PCDHGB2: variants seen among roughly 807,000 people sequenced by gnomAD.
PCDHGB2 encodes protocadherin gamma-B2.
Under a neutral mutation model 59.3 loss-of-function variants are expected in PCDHGB2, and 55 were observed. The ratio of observed to expected loss-of-function variants is 0.93; its 90% CI spans 0.75 to 1.16. The LOEUF (loss-of-function observed/expected upper bound fraction) is 1.16, where lower values mean the gene tolerates loss of function less well. Ranked by LOEUF, PCDHGB2 falls within the 50% of genes most tolerant of loss-of-function variation. PCDHGB2 has a pLI of 0.00. For synonymous variants in PCDHGB2, 516 were observed against 512.0 expected, an observed-to-expected ratio of 1.01 and a Z score of -0.11; for missense variants, 1,228 against 1,198.5, an observed-to-expected ratio of 1.02 and a Z score of -0.36.
chr5:141,486,148 G>A lies in PCDHGB2; in HGVS notation c.2422-8659G>A. On this transcript the variant is annotated intron_variant, in intron 1 of 3. Coordinates refer to ENST00000522605, the MANE Select transcript of PCDHGB2 (RefSeq NM_018923.3). This position sits in a 1 kb window ranked among gnomAD's most constrained non-coding sequence, Gnocchi z 5.0. ...AATTTGATGTGCGGGCTCGCGATGG[G>A]GGTTCTCCAGCCATGGAGCAACATT... 2 of 1,614,164 alleles carry A rather than the reference G, an allele frequency of 1.2e-6. No homozygotes were observed. The highest frequency in any genetic ancestry group is 1.7e-6 in the Non-Finnish European group (2 of 1,180,026).
At chr5:141,404,002 A>G in intron 1 of PCDHGB2, 2 of 1,613,928 alleles carry the variant, frequency 1.2e-6, no homozygotes, top group South Asian at 1.1e-5. Context: ...TGACCATTAC[A>G]TCTCTGTTTA....
In PCDHGB2 at chr5:141,432,785, G is replaced by A. The variant is rs1356593437; in HGVS notation, c.2422-62022G>A. 2.5e-6 allele frequency: 4 copies of A among 1,613,992 alleles called. No individual in the cohort carries two copies. The African/African-American group carries it at 4.0e-5, about 16-fold the overall frequency. On this transcript the variant is annotated intron_variant, in intron 1 of 3. Transcript: ENST00000522605. The surrounding 1 kb of genome is among the most constrained non-coding windows in gnomAD (Gnocchi z 6.0). ...CATCCCCCAAGTCCTGGCGGACCTC[G>A]GCAGCCTCGAGTCTCCAGCTAACTC...
Position 141,477,598 on chromosome 5 carries a change from C to A in PCDHGB2, c.2422-17209C>A. The A allele has an allele frequency of 6.2e-7, 1 of 1,614,180 alleles. No homozygotes were observed. The highest frequency in any genetic ancestry group is 8.5e-7 in the Non-Finnish European group (1 of 1,180,030). ...CCCCGCAGAATGCTCGGCTTTCTTT[C>A]TTTCTCTTGGAGCAAGGAGCTGAAA... On this transcript the variant is annotated intron_variant, in intron 1 of 3. Transcript: ENST00000522605. This position sits in a 1 kb window ranked among gnomAD's most constrained non-coding sequence, Gnocchi z 4.9.
intron 1 of PCDHGB2, chr5:141,399,805 T>G (rs776266997): frequency 6.2e-7 from 1 of 1,613,192 alleles, no homozygotes; most frequent in Admixed American, 1.7e-5. Context: ...GCGGGTGCTG[T>G]ACCCCGCGCT....
At chr5:141,363,656 A>C (rs1763020293) in intron 1 of PCDHGB2, among the ~76,000 whole-genome samples, 1 of 152,232 alleles carries the variant, frequency 6.6e-6, no homozygotes, top group African/African-American at 2.4e-5. Context: ...AAAGATCTTT[A>C]TTTCTTCTGC....
chr5:141,506,017 C>G (rs2099850061), intron 3 of PCDHGB2, among the ~76,000 whole-genome samples: 1 of 152,176 alleles, frequency 6.6e-6, no homozygotes, highest in Non-Finnish European at 1.5e-5. Flanking sequence ...TTTGCTGCCC[C>G]TAACTCCAGA....
At chr5:141,455,185 T>C (rs1334330699) in intron 1 of PCDHGB2, among the ~76,000 whole-genome samples, 1 of 152,064 alleles carries the variant, frequency 6.6e-6, no homozygotes, top group Admixed American at 6.6e-5. Flanking sequence ...TTTTTATTTC[T>C]CTACAAATTT....
chr5:141,398,985 A>C, intron 1 of PCDHGB2: 2 of 1,613,964 alleles, frequency 1.2e-6, no homozygotes, highest in Non-Finnish European at 1.7e-6. Context: ...GAACCGGGCA[A>C]ATCTTTAGTC....
chr5:141,469,962 C>T (rs943032320), intron 1 of PCDHGB2, among the ~76,000 whole-genome samples: 8 of 152,134 alleles, frequency 5.3e-5, no homozygotes, highest in African/African-American at 1.9e-4. Flanking sequence ...GAAACCCCAT[C>T]TGTACCAAAA....
chr5:141,459,989 A>G (rs2098979714), intron 1 of PCDHGB2, among the ~76,000 whole-genome samples: 1 of 152,204 alleles, frequency 6.6e-6, no homozygotes, highest in Non-Finnish European at 1.5e-5. Flanking sequence ...GAGACAGGAG[A>G]ATCGCTTGAA....
At chr5:141,430,716 G>T (rs1327065498) in intron 1 of PCDHGB2, 2 of 1,487,962 alleles carry the variant, frequency 1.3e-6, no homozygotes, top group African/African-American at 2.8e-5. Context: ...CCTGACTTCA[G>T]TGGTTAAGGG....
intron 1 of PCDHGB2, chr5:141,423,661 G>A: frequency 1.3e-6 from 2 of 1,555,760 alleles, no homozygotes; most frequent in Non-Finnish European, 1.7e-6. Flanking sequence ...AAGTAATCAG[G>A]TGAGATTTAT....
chr5:141,417,644 AG>A, intron 1 of PCDHGB2: 1 of 779,202 alleles, frequency 1.3e-6, no homozygotes, highest in South Asian at 2.1e-5. Flanking sequence ...GGGATCCCTC[AG>A]CCTCTAGCCT....
At chr5:141,399,854 GC>G (rs1416380474) in intron 1 of PCDHGB2, 1 of 1,612,786 alleles carries the variant, frequency 6.2e-7, no homozygotes, top group Admixed American at 1.7e-5. Context: ...ATGGTGCCGC[GC>G]GCTGCAGAGC....
At chr5:141,409,217 G>A (rs1394491727) in intron 1 of PCDHGB2, 1 of 1,613,852 alleles carries the variant, frequency 6.2e-7, no homozygotes, top group Non-Finnish European at 8.5e-7. Context: ...AGAAATCCTT[G>A]ATGAAAACGA....
At chr5:141,385,005 C>T in intron 1 of PCDHGB2, 1 of 1,614,138 alleles carries the variant, frequency 6.2e-7, no homozygotes, top group Non-Finnish European at 8.5e-7. Flanking sequence ...CAGTCTCCTG[C>T]GTCTTCCTAG....
At chr5:141,376,195 C>T (rs1312737468) in intron 1 of PCDHGB2, 3 of 1,614,172 alleles carry the variant, frequency 1.9e-6, no homozygotes, top group Admixed American at 1.7e-5. Flanking sequence ...CCTGCGTCTT[C>T]CTGGCCTTCG....
chr5:141,372,354 C>T lies in PCDHGB2; in HGVS notation c.2421+9798C>T. The T allele has an allele frequency of 1.2e-6, 2 of 1,613,946 alleles. No individual in the cohort carries two copies. Among genetic ancestry groups the T allele is most frequent in the Non-Finnish European group, 8.5e-7 (1 of 1,179,902 alleles). On this transcript the variant is annotated intron_variant, in intron 1 of 3. Coordinates refer to ENST00000522605, the MANE Select transcript of PCDHGB2 (RefSeq NM_018923.3). ...TGTGCGTGATGGAGGACAGCAGCCT[C>T]TTTCAGCCACCGTCATGCTGCACCT...
At chr5:141,404,443 A>G in intron 1 of PCDHGB2, 1 of 1,613,468 alleles carries the variant, frequency 6.2e-7, no homozygotes, top group East Asian at 2.2e-5. Flanking sequence ...ATACCATCCA[A>G]GGGTCTCCTC....
Sources: allele counts gnomAD v4.1 joint callset (sites outside exome capture counted in the v4.1 genomes callset), GRCh38; gene constraint gnomAD v4.1.1; non-coding constraint Gnocchi (gnomAD v3.1); transcripts MANE v1.5; gene names NCBI Gene and HGNC (gene_info 2026-07-23, HGNC 2026-07-21).